Variants in CAMK1D observed in about 807,000 individuals in gnomAD.
CAMK1D encodes calcium/calmodulin-dependent protein kinase type 1D.
In CAMK1D, 9 loss-of-function variants were observed where a neutral mutation model predicts 47.7. The ratio of observed to expected loss-of-function variants is 0.19; its 90% CI spans 0.11 to 0.33. CAMK1D has a LOEUF of 0.33. Among genes scored for constraint, CAMK1D ranks in the 10% least tolerant of loss-of-function variants. CAMK1D has a pLI of 1.00. For missense variants in CAMK1D, 291 were observed against 488.7 expected (o/e 0.60, Z 3.81); for synonymous variants, 184 against 184.9 (o/e 0.99, Z 0.04).
intron 2 of CAMK1D, among the ~76,000 whole-genome samples, chr10:12,625,322 C>T (rs1284645330): frequency 4.8e-5 from 6 of 123,992 alleles, no homozygotes; most frequent in Admixed American, 1.9e-4. Context: ...GTGACAAGAG[C>T]GAAACTCCAT....
rs186863248 is a variant in CAMK1D at position 12,611,314 on chromosome 10, C to G, written c.225-55422C>G. The stretch of plus-strand genomic sequence containing the variant: ...CCATCCCTGGAAGGAAGGGACGCAA[C>G]AGAGGCCATCCTAGAGCCTCGAAGT... On this transcript the variant is annotated intron_variant, in intron 2 of 10. Coordinates refer to ENST00000619168, the MANE Select transcript of CAMK1D (RefSeq NM_153498.4). Among the ~76,000 whole-genome samples the G allele has an allele frequency of 4.0e-3, 611 of 152,278 alleles. 1 individual carries two copies. Among genetic ancestry groups the G allele is most frequent in the Non-Finnish European group, 6.4e-3 (435 of 68,016 alleles).
chr10:12,649,037 T>C (rs1212337852), intron 2 of CAMK1D, among the ~76,000 whole-genome samples: 1 of 152,096 alleles, frequency 6.6e-6, no homozygotes, highest in African/African-American at 2.4e-5. Context: ...CAGCTAATTT[T>C]TAAAAATGTT....
intron 2 of CAMK1D, among the ~76,000 whole-genome samples, chr10:12,571,293 C>T (rs1330872585): frequency 6.6e-6 from 1 of 151,294 alleles, no homozygotes; most frequent in Non-Finnish European, 1.5e-5. Context: ...GAGGAAAATA[C>T]AAAAAATCAG....
chr10:12,646,756 C>G (rs1411292378), intron 2 of CAMK1D, among the ~76,000 whole-genome samples: 1 of 152,172 alleles, frequency 6.6e-6, no homozygotes, highest in Non-Finnish European at 1.5e-5. Context: ...GAATCCAACT[C>G]AATTATAGGA....
At chr10:12,541,696 G>A (rs1028716584) in intron 1 of CAMK1D, among the ~76,000 whole-genome samples, 7 of 151,782 alleles carry the variant, frequency 4.6e-5, no homozygotes, top group African/African-American at 1.7e-4. Context: ...GGATTCTCTG[G>A]GGTCTGTAAG....
chr10:12,434,594 C>T (rs1248114262), intron 1 of CAMK1D, among the ~76,000 whole-genome samples: 1 of 152,208 alleles, frequency 6.6e-6, no homozygotes, highest in Non-Finnish European at 1.5e-5. Context: ...TGACATCCAG[C>T]AAGTGACTGC....
chr10:12,816,591 C>T (rs1235334021), intron 8 of CAMK1D, among the ~76,000 whole-genome samples: 2 of 152,046 alleles, frequency 1.3e-5, no homozygotes, highest in Non-Finnish European at 2.9e-5. Context: ...ATACCAGAGG[C>T]CAGGCATGGT....
chr10:12,417,620 A>C (rs1453245752), intron 1 of CAMK1D, among the ~76,000 whole-genome samples: 1 of 151,940 alleles, frequency 6.6e-6, no homozygotes, highest in African/African-American at 2.4e-5. Flanking sequence ...CAAGCCTCCT[A>C]GTGTTTCCTC....
intron 1 of CAMK1D, among the ~76,000 whole-genome samples, chr10:12,366,190 C>T (rs367981027): frequency 1.3e-5 from 2 of 152,202 alleles, no homozygotes; most frequent in Non-Finnish European, 1.5e-5. Context: ...CCAACACAAA[C>T]CCCAAAGTTT....
intron 2 of CAMK1D, among the ~76,000 whole-genome samples, chr10:12,647,653 GTAAGAGGAACCCCTGCTT>G (rs1839849256): frequency 2.0e-5 from 3 of 152,148 alleles, no homozygotes; most frequent in Admixed American, 2.0e-4. Context: ...TTAGACCTGG[GTAAGAGGAACCCCTGCTT>G]TAGGAGATTC....
chr10:12,728,673 G>A (rs1215795789), intron 3 of CAMK1D, among the ~76,000 whole-genome samples: 1 of 152,236 alleles, frequency 6.6e-6, no homozygotes, highest in Non-Finnish European at 1.5e-5. Flanking sequence ...GGATGAGGCA[G>A]ATCGGTTTCT....
chr10:12,619,660 T>G (rs972723133), intron 2 of CAMK1D, among the ~76,000 whole-genome samples: 3 of 152,288 alleles, frequency 2.0e-5, no homozygotes, highest in African/African-American at 7.2e-5. Context: ...TAGATTCACA[T>G]ACAATTATAA....
chr10:12,618,245 A>C (rs1414193404), intron 2 of CAMK1D, among the ~76,000 whole-genome samples: 1 of 151,412 alleles, frequency 6.6e-6, no homozygotes, highest in African/African-American at 2.4e-5. Context: ...GCATCCTCCT[A>C]ATTTTTTTTT....
intron 6 of CAMK1D, among the ~76,000 whole-genome samples, chr10:12,797,118 C>T (rs1049086989): frequency 1.3e-5 from 2 of 151,968 alleles, no homozygotes; most frequent in Non-Finnish European, 2.9e-5. Context: ...GTGCTGGTCT[C>T]CAGGCCACCT....
intron 1 of CAMK1D, among the ~76,000 whole-genome samples, chr10:12,522,236 TTC>T (rs1835444240): frequency 1.4e-5 from 2 of 146,266 alleles, no homozygotes; most frequent in South Asian, 4.5e-4. Flanking sequence ...TCTTGGGTGT[TTC>T]TCGCAGAGGG....
At chr10:12,545,385 G>T (rs1310283710) in intron 1 of CAMK1D, among the ~76,000 whole-genome samples, 3 of 151,178 alleles carry the variant, frequency 2.0e-5, no homozygotes, top group Non-Finnish European at 4.4e-5. Context: ...CAGAGGCGGG[G>T]GTTGCAGTGA....
chr10:12,559,887 A>G (rs940927051), intron 2 of CAMK1D, among the ~76,000 whole-genome samples: 1 of 152,132 alleles, frequency 6.6e-6, no homozygotes, highest in African/African-American at 2.4e-5. Context: ...AAAGCCCAGG[A>G]TGCTGGGCTG....
At chr10:12,734,569 T>G (rs1174974902) in intron 3 of CAMK1D, among the ~76,000 whole-genome samples, 2 of 147,562 alleles carry the variant, frequency 1.4e-5, no homozygotes, top group Non-Finnish European at 3.0e-5. Context: ...TACACATATG[T>G]GTATATATAT....
At chr10:12,552,243 C>T (rs759490317) in intron 1 of CAMK1D, among the ~76,000 whole-genome samples, 23 of 152,202 alleles carry the variant, frequency 1.5e-4, no homozygotes, top group Non-Finnish European at 3.2e-4. Context: ...GTTGCTCTGC[C>T]GTTGCAGAGT....
Sources: gnomAD v4.1 joint callset for allele counts (sites outside exome capture counted in the v4.1 genomes callset) on GRCh38, gnomAD v4.1.1 for gene constraint, MANE v1.5 for transcripts, NCBI Gene and HGNC (gene_info 2026-07-23, HGNC 2026-07-21) for gene names.